The following PLXDC2 variants were observed in gnomAD, a reference collection of about 807,000 sequenced individuals.
PLXDC2 encodes the protein plexin domain containing 2, also known as plexin domain-containing protein 2.
In PLXDC2, 40 loss-of-function variants were observed where a neutral mutation model predicts 68.9. That is an observed-to-expected ratio of 0.58 (90% CI 0.45 to 0.76). The LOEUF is 0.76. Among genes scored for constraint, PLXDC2 ranks in the 30% least tolerant of loss-of-function variants. PLXDC2 has a pLI of 0.00. For missense variants in PLXDC2, 644 were observed against 661.9 expected, an observed-to-expected ratio of 0.97 and a Z score of 0.30; for synonymous variants, 243 against 234.2, an observed-to-expected ratio of 1.04 and a Z score of -0.34.
chr10:20,070,975 A>G (rs773736466), intron 4 of PLXDC2: 4 of 91,526 alleles, frequency 4.4e-5, no homozygotes, highest in African/African-American at 1.8e-4. Context: ...AAAATAAGTG[A>G]AAAAAAAAAA....
rs976920599 is a variant in PLXDC2 at position 19,872,724 on chromosome 10, G to A, written c.112+55533G>A. Among the ~76,000 whole-genome samples the A allele has an allele frequency of 5.3e-5, 8 of 152,156 alleles. No individual in the cohort carries two copies. The East Asian group carries it at 1.4e-3, about 26-fold the overall frequency. ...GTTAGAGACAGGGTGGGGGTGATTG[G>A]GCTTGGGTCGGCATCCATGAGTTCC... is the stretch of plus-strand genomic sequence containing the variant. On this transcript the variant is annotated intron_variant, in intron 1 of 13. Transcript: ENST00000377252.
chr10:19,818,227 GGTGTGTGTGTGTGTGTGTGT>G (rs749435110), intron 1 of PLXDC2, among the ~76,000 whole-genome samples: 15 of 137,610 alleles, frequency 1.1e-4, no homozygotes, highest in South Asian at 4.9e-4. Context: ...GTTCTTTTCT[GGTGTGTGTGTGTGTGTGTGT>G]GTGTGTGTGT....
chr10:19,962,377 A>C (rs954272182), intron 1 of PLXDC2, among the ~76,000 whole-genome samples: 13 of 37,978 alleles, frequency 3.4e-4, no homozygotes, highest in South Asian at 7.0e-4. Flanking sequence ...TCATGCACCC[A>C]TCTTTACTTT....
chr10:20,193,109 C>G (rs760182552), intron 9 of PLXDC2, among the ~76,000 whole-genome samples: 9 of 152,030 alleles, frequency 5.9e-5, no homozygotes, highest in Non-Finnish European at 8.8e-5. Context: ...CTGCTCTTGT[C>G]TAAGTTTTTA....
intron 1 of PLXDC2, among the ~76,000 whole-genome samples, chr10:19,982,637 C>A (rs1282777613): frequency 6.6e-6 from 1 of 152,044 alleles, no homozygotes; most frequent in African/African-American, 2.4e-5. Flanking sequence ...ATTTTTGATG[C>A]CCAACAGCAA....
chr10:20,157,801 C>T (rs1435043758), intron 6 of PLXDC2, among the ~76,000 whole-genome samples: 2 of 152,170 alleles, frequency 1.3e-5, no homozygotes, highest in African/African-American at 4.8e-5. Flanking sequence ...AAACCTATCT[C>T]TATCTTGTTA....
intron 8 of PLXDC2, 104 bp from the exon 9 acceptor site, chr10:20,177,224 C>T: frequency 1.5e-6 from 2 of 1,318,502 alleles, no homozygotes; most frequent in Non-Finnish European, 1.1e-6. Flanking sequence ...GGGCATTTTG[C>T]TCCTGAGGAT....
chr10:19,933,667 C>A (rs1833677107), intron 1 of PLXDC2, among the ~76,000 whole-genome samples: 2 of 151,646 alleles, frequency 1.3e-5, no homozygotes, highest in Non-Finnish European at 2.9e-5. Flanking sequence ...ACAAAACACA[C>A]ACAAACACAC....
intron 1 of PLXDC2, among the ~76,000 whole-genome samples, chr10:19,888,575 A>G (rs567684595): frequency 6.6e-6 from 1 of 152,206 alleles, no homozygotes; most frequent in Admixed American, 6.5e-5. Context: ...ACAGAGAAGC[A>G]GTCATTATCA....
At chr10:19,825,307 G>T (rs1836550155) in intron 1 of PLXDC2, among the ~76,000 whole-genome samples, 1 of 152,148 alleles carries the variant, frequency 6.6e-6, no homozygotes, top group African/African-American at 2.4e-5. Flanking sequence ...AATATGGAGA[G>T]AATGTTAAGA....
At chr10:19,935,834 G>A (rs747415718) in intron 1 of PLXDC2, among the ~76,000 whole-genome samples, 2 of 152,168 alleles carry the variant, frequency 1.3e-5, no homozygotes, top group Admixed American at 6.5e-5. Flanking sequence ...TTTGCCGGCA[G>A]ACTAAAGAAG....
rs1836056217 is a variant in PLXDC2, at chr10:20,279,732, G to A, written c.1503G>A (p.Lys501=). The A allele has an allele frequency of 1.2e-6, 2 of 1,613,852 alleles. No homozygotes were observed. The highest frequency in any genetic ancestry group is 2.7e-5 in the African/African-American group (2 of 74,882). ...ERRPSRWPAM[K]FRRGSGHPAY... ...GCCCAAGCAGATGGCCTGCGATGAA[G>A]TTTAGAAGAGGCTCTGGACATCCTG... Residue 501 remains lysine, a synonymous_variant, in exon 14 of 14, where the codon AAG becomes AAA. Coordinates refer to ENST00000377252, the MANE Select transcript of PLXDC2 (RefSeq NM_032812.9).
chr10:20,082,507 G>A (rs879270161), intron 4 of PLXDC2, among the ~76,000 whole-genome samples: 4 of 152,100 alleles, frequency 2.6e-5, no homozygotes, highest in Admixed American at 6.6e-5. Context: ...TAAGTGAAAT[G>A]CAAGTTAAAA....
At chr10:20,218,114 G>A (rs979733931) in intron 11 of PLXDC2, among the ~76,000 whole-genome samples, 20 of 152,060 alleles carry the variant, frequency 1.3e-4, no homozygotes, top group African/African-American at 4.6e-4. Context: ...CTCTTCTAAG[G>A]TAGGCAGAAA....
intron 11 of PLXDC2, among the ~76,000 whole-genome samples, chr10:20,218,671 T>C (rs973129616): frequency 3.9e-5 from 6 of 152,008 alleles, no homozygotes; most frequent in Non-Finnish European, 8.8e-5. Context: ...AAATCTTAAC[T>C]GTCACAATGA....
chr10:19,898,294 G>C (rs1400414689), intron 1 of PLXDC2, among the ~76,000 whole-genome samples: 1 of 152,114 alleles, frequency 6.6e-6, no homozygotes, highest in Non-Finnish European at 1.5e-5. Flanking sequence ...ATGATCCCAG[G>C]AAAGACAGTT....
chr10:19,953,114 C>T (rs1474206378), intron 1 of PLXDC2, among the ~76,000 whole-genome samples: 1 of 152,164 alleles, frequency 6.6e-6, no homozygotes, highest in African/African-American at 2.4e-5. Context: ...GACCCACCCA[C>T]CTAGGTGTGT....
intron 1 of PLXDC2, among the ~76,000 whole-genome samples, chr10:19,842,347 T>A (rs1836925157): frequency 6.6e-6 from 1 of 152,172 alleles, no homozygotes; most frequent in Non-Finnish European, 1.5e-5. Context: ...CAGGACCTCT[T>A]AGCATGCGTT....
intron 1 of PLXDC2, among the ~76,000 whole-genome samples, chr10:19,920,487 A>C (rs1392947577): frequency 6.6e-6 from 1 of 152,236 alleles, no homozygotes; most frequent in Non-Finnish European, 1.5e-5. Flanking sequence ...AGAGGAATGC[A>C]CAGGCATATG....
Sources: gnomAD v4.1 joint callset for allele counts (sites outside exome capture counted in the v4.1 genomes callset) on GRCh38, gnomAD v4.1.1 for gene constraint, MANE v1.5 for transcripts, NCBI Gene and HGNC (gene_info 2026-07-23, HGNC 2026-07-21) for gene names.